ADPRHL1: variants seen among roughly 807,000 people sequenced by gnomAD.
The protein encoded by ADPRHL1 is inactive ADP-ribosyltransferase ARH2.
A neutral mutation model predicts 44.1 loss-of-function variants in ADPRHL1; 43 were observed. The observed-to-expected ratio is 0.98, with a 90% CI of 0.76 to 1.26. ADPRHL1 has a LOEUF of 1.26. ADPRHL1 is among the 50% of genes most tolerant of loss of function. ADPRHL1 has a pLI of 0.00. For missense variants in ADPRHL1, 2,022 were observed against 2,496.9 expected, an observed-to-expected ratio of 0.81 and a Z score of 4.05; for synonymous variants, 878 against 1,017.4, an observed-to-expected ratio of 0.86 and a Z score of 2.61.
At position 113,406,199 on chromosome 13, in the gene ADPRHL1, G is replaced by A. The variant is rs1037307430; in HGVS notation, c.3083C>T (p.Pro1028Leu). Residue 1028 changes from proline (P) to leucine (L), a missense_variant, in exon 8 of 8, where the codon CCG becomes CTG. Pro to Leu is a moderately conservative substitution (Grantham distance 98, BLOSUM62 -3). Transcript: ENST00000612156. ...TGTTGGGTTTCTCCCAGTCGGGGAC[G>A]GCACTTGCTGGCTGCTGGAGGCATG... ...TSHASSSQQV[P>L]SPTGRNPTGA... 9 of 1,232,038 alleles carry A rather than the reference G, an allele frequency of 7.3e-6. No homozygotes were observed. Among genetic ancestry groups the A allele is most frequent in the East Asian group, 6.3e-5 (2 of 31,716 alleles). 76.3% of individuals were successfully genotyped at this position (1,232,038 alleles called of 1,614,324 possible). A position where few individuals can be genotyped will look rare whatever the true frequency, so the allele number is the denominator to read the frequency against.
At chr13:113,420,750 C>T (rs1430679222) in intron 7 of ADPRHL1, among the ~76,000 whole-genome samples, 3 of 151,978 alleles carry the variant, frequency 2.0e-5, no homozygotes, top group Non-Finnish European at 4.4e-5. Context: ...TAGAAGGCCA[C>T]GGATTCCTCC....
chr13:113,420,129 T>A (rs2043908110), intron 7 of ADPRHL1, among the ~76,000 whole-genome samples: 1 of 152,222 alleles, frequency 6.6e-6, no homozygotes, highest in African/African-American at 2.4e-5. Flanking sequence ...ACGTCATTTT[T>A]ATCGCAAAAA....
At position 113,403,891 on chromosome 13, in the gene ADPRHL1, C is replaced by T; in HGVS notation, c.5391G>A (p.Gln1797=). The change falls in exon 8 of 8, where the codon CAG becomes CAA. Residue 1797 remains glutamine, a synonymous_variant. Coordinates refer to ENST00000612156, the MANE Select transcript of ADPRHL1 (RefSeq NM_001394807.1). ...ETQRQTQKGA[Q]ERAWEQGREQ... The stretch of plus-strand genomic sequence containing the variant: ...CCCGACCCTGTTCCCAAGCCCGTTC[C>T]TGAGCCCCTTTCTGGGTCTGCCTCT... The T allele has an allele frequency of 8.1e-7, 1 of 1,240,210 alleles. No homozygotes were observed. Among genetic ancestry groups the T allele is most frequent in the Non-Finnish European group, 1.0e-6 (1 of 986,760 alleles). The allele number at this position is 1,240,210 out of a possible 1,614,324, so 76.8% of individuals were successfully genotyped here.
intron 7 of ADPRHL1, among the ~76,000 whole-genome samples, chr13:113,419,357 T>C (rs1312977328): frequency 6.8e-6 from 1 of 147,476 alleles, no homozygotes; most frequent in Non-Finnish European, 1.5e-5. Flanking sequence ...GCTCAAGCGA[T>C]CCTCCCGCCT....
At chr13:113,424,906 A>AC (rs1405670344) in intron 5 of ADPRHL1, 146 bp downstream of exon 5, 2 of 975,930 alleles carry the variant, frequency 2.0e-6, no homozygotes, top group Admixed American at 4.8e-5. Flanking sequence ...GCACCCTTCC[A>AC]CCCACCCATC....
At chr13:113,420,851 T>A (rs1220951941) in intron 7 of ADPRHL1, among the ~76,000 whole-genome samples, 1 of 145,598 alleles carries the variant, frequency 6.9e-6, no homozygotes, top group Admixed American at 6.8e-5. Flanking sequence ...CCTCTACCCC[T>A]GGGACACACC....
At chr13:113,435,391 C>G in intron 2 of ADPRHL1, among the ~76,000 whole-genome samples, 1 of 139,928 alleles carries the variant, frequency 7.1e-6, no homozygotes, top group Non-Finnish European at 1.5e-5. Flanking sequence ...ACCCCAGGAC[C>G]TGGCACCCAG....
At chr13:113,411,629 A>G (rs1044170534) in intron 7 of ADPRHL1, among the ~76,000 whole-genome samples, 1 of 152,180 alleles carries the variant, frequency 6.6e-6, no homozygotes, top group Non-Finnish European at 1.5e-5. Flanking sequence ...TTTCACTCAC[A>G]GAGATCAGGA....
chr13:113,414,889 G>A (rs1595540250), intron 7 of ADPRHL1, among the ~76,000 whole-genome samples: 1 of 152,192 alleles, frequency 6.6e-6, no homozygotes, highest in East Asian at 1.9e-4. Context: ...TGGCTAGGCT[G>A]GTTTCGAACT....
At chr13:113,442,018 C>T (rs1846548203) in intron 2 of ADPRHL1, among the ~76,000 whole-genome samples, 1 of 152,266 alleles carries the variant, frequency 6.6e-6, no homozygotes, top group Non-Finnish European at 1.5e-5. Context: ...CTGTTTGCAT[C>T]CAGTGCGGTT....
chr13:113,447,231 T>G (rs1254787122), intron 1 of ADPRHL1, among the ~76,000 whole-genome samples: 2 of 121,954 alleles, frequency 1.6e-5, no homozygotes, highest in Non-Finnish European at 1.7e-5. Flanking sequence ...ACGCACGGTG[T>G]TGTGTGTGCA....
rs1383059026 is a variant in ADPRHL1, at chr13:113,404,819, G to GTT, written c.4462_4463insAA (p.Ala1488GlufsTer28). The GTT allele has an allele frequency of 1.8e-5, 22 of 1,254,080 alleles. No individual in the cohort carries two copies. Among genetic ancestry groups the GTT allele is most frequent in the Non-Finnish European group, 2.1e-5 (21 of 1,002,448 alleles). The allele number at this position is 1,254,080 out of a possible 1,614,324, so 77.7% of individuals were successfully genotyped here. On this transcript the variant is annotated frameshift_variant, in exon 8 of 8. Transcript: ENST00000612156. LOFTEE classifies it low-confidence loss of function (END_TRUNC). ...GTCCCATTCCTGAACCTGTTTCTGG[G>GTT]CCTGTCCTTGGGCTGCCGGGCTTCC...
At chr13:113,442,946 T>G (rs756477740) in intron 2 of ADPRHL1, among the ~76,000 whole-genome samples, 4 of 152,218 alleles carry the variant, frequency 2.6e-5, no homozygotes, top group Non-Finnish European at 5.9e-5. Context: ...TAACCTTTTC[T>G]TGGAAATGTC....
chr13:113,402,676 G>C lies in ADPRHL1; in HGVS notation c.*702C>G, dbSNP rs1256076983. On this transcript the variant is annotated 3_prime_UTR_variant, in exon 8 of 8. Transcript: ENST00000612156. ...TCCTGGCTTCCCACGGCTCTGCACT[G>C]TCCCTTTCTCAGAACTTAACGTGGG... is the stretch of plus-strand genomic sequence containing the variant. 4.6e-5 allele frequency: 7 copies of C among 152,298 alleles called. No homozygotes were observed. The highest frequency in any genetic ancestry group is 4.6e-4 in the Admixed American group (7 of 15,280). 9.4% of individuals were successfully genotyped at this position (152,298 alleles called of 1,614,324 possible).
At chr13:113,412,582 G>A (rs1411977072) in intron 7 of ADPRHL1, among the ~76,000 whole-genome samples, 1 of 152,256 alleles carries the variant, frequency 6.6e-6, no homozygotes, top group Non-Finnish European at 1.5e-5. Context: ...CGGGACCCCT[G>A]TTGGTTCTGG....
chr13:113,426,041 A>T (rs2043965995), intron 4 of ADPRHL1, among the ~76,000 whole-genome samples: 1 of 152,148 alleles, frequency 6.6e-6, no homozygotes, highest in South Asian at 2.1e-4. Flanking sequence ...TTCTCGTTAC[A>T]TTGTTGCATT....
intron 4 of ADPRHL1, among the ~76,000 whole-genome samples, chr13:113,427,892 C>A (rs918070375): frequency 6.6e-6 from 1 of 152,150 alleles, no homozygotes; most frequent in African/African-American, 2.4e-5. Flanking sequence ...AAGCTGTGAA[C>A]CAGACCCCCA....
rs1400641725 is a variant in ADPRHL1 at position 113,404,427 on chromosome 13, G to C, written c.4855C>G (p.Gln1619Glu). 12 of 1,320,156 alleles carry C rather than the reference G, an allele frequency of 9.1e-6. No homozygotes were observed. The highest frequency in any genetic ancestry group is 1.2e-5 in the Non-Finnish European group (12 of 1,042,486). 81.8% of individuals were successfully genotyped at this position (1,320,156 alleles called of 1,614,324 possible). A position where few individuals can be genotyped will look rare whatever the true frequency, so the allele number is the denominator to read the frequency against. Residue 1619 changes from glutamine to glutamate, a missense_variant, in exon 8 of 8, where the codon CAG becomes GAG. Physicochemically the swap from Gln to Glu is conservative, Grantham distance 29. Coordinates refer to ENST00000612156, the MANE Select transcript of ADPRHL1 (RefSeq NM_001394807.1). ...QEEAQGQAQW[Q>E]TQIKAQKWAQ... ...CATTTCTGGGCCTTTATCTGGGTCT[G>C]CCACTGGGCCTGTCCCTGAGCCTCT...
Position 113,404,559 on chromosome 13 carries a change from C to T in ADPRHL1, c.4723G>A (p.Gly1575Arg), listed in dbSNP as rs1279333111. The change falls in exon 8 of 8, where the codon GGG becomes AGG. Residue 1575 changes from glycine to arginine, a missense_variant. By Grantham distance (125) the Gly-to-Arg change is moderately radical (BLOSUM62 -2). Coordinates refer to ENST00000612156, the MANE Select transcript of ADPRHL1 (RefSeq NM_001394807.1). ...TGTCCCTGAACCTGTCCCTGGGCCC[C>T]ACCCTGAGCTGGTTCCTGTGCCTGC... ...QGQAQEPAQG[G>R]AQGQVQGQAQ... 3.1e-6 allele frequency: 4 copies of T among 1,296,766 alleles called. No individual in the cohort carries two copies. The highest frequency in any genetic ancestry group is 4.1e-5 in the Admixed American group (1 of 24,600). The allele number at this position is 1,296,766 out of a possible 1,614,324, so 80.3% of individuals were successfully genotyped here. A position where few individuals can be genotyped will look rare whatever the true frequency, so the allele number is the denominator to read the frequency against.
Sources: gnomAD v4.1 joint callset for allele counts (sites outside exome capture counted in the v4.1 genomes callset) on GRCh38, gnomAD v4.1.1 for gene constraint, MANE v1.5 for transcripts, NCBI Gene and HGNC (gene_info 2026-07-23, HGNC 2026-07-21) for gene names.